ROCK1: variants seen among roughly 807,000 people sequenced by gnomAD.
ROCK1 encodes rho-associated protein kinase 1.
Under a neutral mutation model 196.8 loss-of-function variants are expected in ROCK1, and 36 were observed. That is an observed-to-expected ratio of 0.18 (90% CI 0.14 to 0.24). The LOEUF (loss-of-function observed/expected upper bound fraction) is 0.24, where lower values mean the gene tolerates loss of function less well. Ranked by LOEUF, ROCK1 falls within the 10% of genes least tolerant of loss-of-function variation. The pLI is 1.00. For missense variants in ROCK1, 920 were observed against 1,562.0 expected (o/e 0.59, Z 6.93); for synonymous variants, 443 against 515.9 (o/e 0.86, Z 1.91).
chr18:21,045,265 GA>G (rs748531820), intron 5 of ROCK1, 26 bp downstream of exon 5: 8 of 1,545,698 alleles, frequency 5.2e-6, no homozygotes, highest in Middle Eastern at 1.7e-4. Flanking sequence ...CAACAAATGA[GA>G]AAATTTAAAG....
Position 21,111,236 on chromosome 18 carries a change from C to T in ROCK1, c.-326G>A. 2.0e-6 allele frequency: 1 copy of T among 493,046 alleles called. No individual in the cohort carries two copies. The highest frequency in any genetic ancestry group is 3.6e-6 in the Non-Finnish European group (1 of 281,532). 30.5% of individuals were successfully genotyped at this position (493,046 alleles called of 1,614,324 possible). A position where few individuals can be genotyped will look rare whatever the true frequency, so the allele number is the denominator to read the frequency against. ...CAGTCTAGCGGGCCCCGGCCGCCGTCGCCATGGAGGGGTCCCCGTCCCGAG... is the reference window on the plus strand; with the variant it reads ...CAGTCTAGCGGGCCCCGGCCGCCGTTGCCATGGAGGGGTCCCCGTCCCGAG... On this transcript the variant is annotated 5_prime_UTR_variant, in exon 1 of 33. Transcript: ENST00000399799. The surrounding 1 kb of genome is among the most constrained non-coding windows in gnomAD (Gnocchi z 4.2).
chr18:20,956,903 A>G (rs1298594771), intron 29 of ROCK1, among the ~76,000 whole-genome samples: 1 of 152,232 alleles, frequency 6.6e-6, no homozygotes, highest in Non-Finnish European at 1.5e-5. Context: ...ATGGCTAATA[A>G]CGACATGAAA....
intron 22 of ROCK1, among the ~76,000 whole-genome samples, chr18:20,976,519 A>G (rs2035482436): frequency 6.6e-6 from 1 of 152,220 alleles, no homozygotes. Context: ...GCTGGAACTG[A>G]GAAGGCGAGA....
intron 12 of ROCK1, 121 bp from the exon 13 acceptor site, chr18:21,015,600 G>T: frequency 5.9e-6 from 4 of 679,814 alleles, no homozygotes; most frequent in Non-Finnish European, 1.0e-5. Context: ...TGGTGCCATG[G>T]ATCTCTTTGG....
At chr18:21,054,413 C>T (rs1348117477) in intron 2 of ROCK1, among the ~76,000 whole-genome samples, 1 of 152,000 alleles carries the variant, frequency 6.6e-6, no homozygotes, top group East Asian at 1.9e-4. Flanking sequence ...TGTAGTTCAC[C>T]AACTCCTGCT....
At chr18:21,022,554 C>T (rs2035922358) in intron 11 of ROCK1, among the ~76,000 whole-genome samples, 1 of 152,102 alleles carries the variant, frequency 6.6e-6, no homozygotes, top group Non-Finnish European at 1.5e-5. Flanking sequence ...ACAGGAGACA[C>T]CAGCAGAAAT....
At chr18:21,010,405 T>C (rs1417052594) in intron 13 of ROCK1, among the ~76,000 whole-genome samples, 1 of 152,244 alleles carries the variant, frequency 6.6e-6, no homozygotes, top group Admixed American at 6.5e-5. Flanking sequence ...ACTTCATTGT[T>C]CAAATATTTT....
chr18:21,070,710 C>T, intron 1 of ROCK1, 97 bp from the exon 2 acceptor site: 1 of 701,590 alleles, frequency 1.4e-6, no homozygotes, highest in Non-Finnish European at 2.3e-6. Context: ...TATTTAATTT[C>T]CCCTAACACA....
At chr18:21,085,002 A>G (rs902934193) in intron 1 of ROCK1, among the ~76,000 whole-genome samples, 1 of 152,204 alleles carries the variant, frequency 6.6e-6, no homozygotes, top group Admixed American at 6.5e-5. Context: ...ACAAAAAAGG[A>G]AAAATATTGT....
At chr18:20,951,430 A>C (rs567161771) in intron 32 of ROCK1, 43 bp from the exon 33 acceptor site, 2 of 1,541,258 alleles carry the variant, frequency 1.3e-6, no homozygotes, top group Admixed American at 3.8e-5. Context: ...AAATGCACTC[A>C]GTTTAAAAAT....
At chr18:21,033,368 G>A (rs2036026975) in intron 9 of ROCK1, among the ~76,000 whole-genome samples, 1 of 152,106 alleles carries the variant, frequency 6.6e-6, no homozygotes, top group Admixed American at 6.5e-5. Flanking sequence ...AAATCCCACA[G>A]CTAACATTAT....
At chr18:21,042,793 G>T in intron 6 of ROCK1, 84 bp from the exon 7 acceptor site, 1 of 1,313,490 alleles carries the variant, frequency 7.6e-7, no homozygotes, top group Admixed American at 2.4e-5. Context: ...TATTACCTAT[G>T]GGACTCCAAA....
intron 20 of ROCK1, among the ~76,000 whole-genome samples, chr18:20,983,204 AG>A (rs745989500): frequency 6.0e-5 from 9 of 151,238 alleles, no homozygotes; most frequent in African/African-American, 2.2e-4. Flanking sequence ...ATAAAAAAAG[AG>A]GGGGGCATGA....
intron 1 of ROCK1, among the ~76,000 whole-genome samples, chr18:21,093,461 T>C (rs1195367045): frequency 6.6e-6 from 1 of 152,224 alleles, no homozygotes; most frequent in African/African-American, 2.4e-5. Flanking sequence ...AAATAAATTA[T>C]TGTTAATTCA....
chr18:21,092,462 T>C (rs1051042466), intron 1 of ROCK1, among the ~76,000 whole-genome samples: 3 of 151,596 alleles, frequency 2.0e-5, no homozygotes, highest in Non-Finnish European at 4.4e-5. Context: ...CACAGGTCTG[T>C]AGTCCCAGCT....
chr18:21,033,988 C>G (rs1423309558), intron 9 of ROCK1, among the ~76,000 whole-genome samples: 2 of 138,216 alleles, frequency 1.4e-5, no homozygotes, highest in Non-Finnish European at 3.0e-5. Context: ...GAGCCGAGAT[C>G]GAGCCACTGT....
At chr18:20,973,737 T>C (rs2035452632) in intron 22 of ROCK1, among the ~76,000 whole-genome samples, 2 of 152,100 alleles carry the variant, frequency 1.3e-5, no homozygotes, top group Non-Finnish European at 2.9e-5. Flanking sequence ...ATGAGTAGCC[T>C]TCAAAATAAA....
chr18:20,974,467 C>A (rs996077752), intron 22 of ROCK1, among the ~76,000 whole-genome samples: 8 of 152,084 alleles, frequency 5.3e-5, no homozygotes, highest in African/African-American at 1.9e-4. Context: ...TTTAAGACAC[C>A]AGAAAACCTA....
chr18:20,984,555 T>C lies in ROCK1; in HGVS notation c.2305-20A>G, dbSNP rs368059277. The C allele has an allele frequency of 7.0e-6, 11 of 1,564,116 alleles. No homozygotes were observed. In the African/African-American group the frequency reaches 9.7e-5, roughly 14 times the overall value. On this transcript the variant is annotated intron_variant, in intron 19 of 32. Transcript: ENST00000399799. ...CTTAACCTATGAATGAGAAAAATAA[T>C]TGGGATCTTAAATCTCTTAAATAAT... is the stretch of plus-strand genomic sequence containing the variant.
Sources: gnomAD v4.1 joint callset for allele counts (sites outside exome capture counted in the v4.1 genomes callset) on GRCh38, gnomAD v4.1.1 for gene constraint, Gnocchi (gnomAD v3.1) non-coding constraint, MANE v1.5 for transcripts, NCBI Gene and HGNC (gene_info 2026-07-23, HGNC 2026-07-21) for gene names.